LAMB1: variants seen among roughly 807,000 people sequenced by gnomAD.
LAMB1 encodes the protein laminin subunit beta-1.
Under a neutral mutation model 222.3 loss-of-function variants are expected in LAMB1, and 121 were observed. The ratio of observed to expected loss-of-function variants is 0.54; its 90% confidence interval spans 0.47 to 0.63. The LOEUF (loss-of-function observed/expected upper bound fraction) is 0.63. Among genes scored for constraint, LAMB1 ranks in the 30% least tolerant of loss-of-function variants. The probability of loss-of-function intolerance (pLI) is 0.00; values close to 1 mark genes in which losing one functional copy is unlikely to be tolerated. For missense variants in LAMB1, 2,172 were observed against 2,240.8 expected (o/e 0.97, Z 0.62); for synonymous variants, 794 against 807.2 (o/e 0.98, Z 0.28).
In LAMB1 at chr7:107,959,968, GA is replaced by G. The variant is rs1249095323; in HGVS notation, c.2315-135del. ...AACAGTATCATCCCTATGATGAGCG[GA>G]AGGGAAGAAAGGGGAGGCAGAGTTG... On this transcript the variant is annotated intron_variant, in intron 18 of 33. Transcript: ENST00000222399. 6 of 1,257,286 alleles carry G rather than the reference GA, an allele frequency of 4.8e-6. 1 individual carries two copies. The Admixed American group carries it at 8.2e-5, about 17-fold the overall frequency. 77.9% of individuals were successfully genotyped at this position (1,257,286 alleles called of 1,614,324 possible). A position where few individuals can be genotyped will look rare whatever the true frequency, so the allele number is the denominator to read the frequency against.
At chr7:107,964,356 A>G (rs1369584953) in intron 14 of LAMB1, among the ~76,000 whole-genome samples, 196 bp downstream of exon 14, 24 of 152,246 alleles carry the variant, frequency 1.6e-4, no homozygotes, top group African/African-American at 2.4e-5. Flanking sequence ...TGAATGCTCC[A>G]AAGCCAATTT....
In LAMB1 at chr7:107,947,083, C is replaced by T. The variant is rs1432518588; in HGVS notation, c.3391+4143G>A. Among the ~76,000 whole-genome samples, 4 of 152,286 alleles carry T rather than the reference C, an allele frequency of 2.6e-5. No homozygotes were observed. In the East Asian group the frequency reaches 7.7e-4, roughly 29 times the overall value. On this transcript the variant is annotated intron_variant, in intron 24 of 33. Transcript: ENST00000222399. Reference sequence around the variant, plus strand: ...CAGCGCTCCAGGCTGTTTTCTCCAGCACGTTCATGGTGGGTGGATGAGATT... The same window carrying T: ...CAGCGCTCCAGGCTGTTTTCTCCAGTACGTTCATGGTGGGTGGATGAGATT...
intron 29 of LAMB1, among the ~76,000 whole-genome samples, chr7:107,931,086 A>G (rs551643750): frequency 7.6e-4 from 116 of 152,316 alleles, no homozygotes; most frequent in African/African-American, 2.6e-3. Flanking sequence ...GTAATTTCTA[A>G]CAAATTCCAC....
rs369476969 is a variant in LAMB1, at chr7:107,926,213, A to G, written c.5034T>C (p.Thr1678=). The G allele has an allele frequency of 1.7e-5, 28 of 1,613,736 alleles. No homozygotes were observed. Among genetic ancestry groups the G allele is most frequent in the Middle Eastern group, 1.6e-4 (1 of 6,080 alleles). ...TAACATCTTCTGCACTTTGCTTCACAGTATATACTACTTTTTCAATATATT... is the reference window on the plus strand; with the variant it reads ...TAACATCTTCTGCACTTTGCTTCACGGTATATACTACTTTTTCAATATATT... ...EAEYIEKVVY[T]VKQSAEDVKK... is the part of the protein sequence containing the mutation. The change falls in exon 32 of 34, where the codon ACT becomes ACC. Residue 1678 remains threonine (T), a synonymous_variant. Transcript: ENST00000222399.
intron 31 of LAMB1, among the ~76,000 whole-genome samples, chr7:107,928,773 G>A (rs970063064): frequency 4.6e-5 from 7 of 152,180 alleles, no homozygotes; most frequent in African/African-American, 9.7e-5. Context: ...AATTACAGGC[G>A]TGAGCCACCA....
chr7:107,970,793 G>A (rs185908957), intron 13 of LAMB1, among the ~76,000 whole-genome samples: 8 of 151,354 alleles, frequency 5.3e-5, no homozygotes, highest in East Asian at 3.9e-4. Context: ...GTGCAATGGC[G>A]TGATCTTGGT....
intron 2 of LAMB1, chr7:108,002,473 G>T: frequency 8.0e-7 from 1 of 1,253,878 alleles, no homozygotes; most frequent in Non-Finnish European, 1.0e-6. Flanking sequence ...CTCAGCTCAG[G>T]CACTCTCCTG....
At position 107,986,310 on chromosome 7, in the gene LAMB1, G is replaced by A; in HGVS notation, c.477C>T (p.Thr159=). 1 of 1,611,188 alleles carries A rather than the reference G, an allele frequency of 6.2e-7. No individual in the cohort carries two copies. Among genetic ancestry groups the A allele is most frequent in the Non-Finnish European group, 8.5e-7 (1 of 1,177,676 alleles). ...AGGCGAAGTATCTATACACACCCCA[G>A]GTTTTCCCAAAGTCGGACGATCGTT... ...LIERSSDFGK[T]WGVYRYFAYD... The change falls in exon 6 of 34, where the codon ACC becomes ACT. Residue 159 remains threonine (T), a synonymous_variant. Coordinates refer to ENST00000222399, the MANE Select transcript of LAMB1 (RefSeq NM_002291.3).
chr7:107,994,946 T>C lies in LAMB1; in HGVS notation c.364A>G (p.Thr122Ala), dbSNP rs1158702022. 6.3e-7 allele frequency: 1 copy of C among 1,593,448 alleles called. No homozygotes were observed. The highest frequency in any genetic ancestry group is 1.7e-5 in the Admixed American group (1 of 59,902). ...WQSENGVENV[T>A]IQLDLEAEFH... The stretch of plus-strand genomic sequence containing the variant: ...TCTGCTTCCAAATCCAGTTGGATAG[T>C]TACATTTTCCACACCTACAGGAGAT... The change falls in exon 5 of 34, where the codon ACT (threonine) becomes GCT (alanine). Residue 122 changes from threonine (T) to alanine (A), a missense_variant. Thr to Ala is a moderately conservative substitution (Grantham distance 58). Transcript: ENST00000222399.
At position 107,960,485 on chromosome 7, in the gene LAMB1, G is replaced by C. The variant is rs148062825; in HGVS notation, c.2274C>G (p.Ile758Met). 2.5e-6 allele frequency: 4 copies of C among 1,614,036 alleles called. No homozygotes were observed. The highest frequency in any genetic ancestry group is 3.4e-6 in the Non-Finnish European group (4 of 1,180,016). ...KTPMTDVCRN[I>M]IFSISALLHQ... ...GTAACAGGGCAGAAATGCTAAAGAT[G>C]ATGTTTCTGCAAACATCTGTCATCG... The change falls in exon 18 of 34, where the codon ATC becomes ATG. Residue 758 changes from isoleucine to methionine, a missense_variant. By Grantham distance (10) the Ile-to-Met change is conservative. Transcript: ENST00000222399.
intron 29 of LAMB1, among the ~76,000 whole-genome samples, chr7:107,930,770 T>TA (rs1392940196): frequency 6.6e-6 from 1 of 152,222 alleles, no homozygotes; most frequent in East Asian, 1.9e-4. Context: ...ACAAAGCTGA[T>TA]ATGCTTAAGA....
In LAMB1 at chr7:107,964,655, C is replaced by T. The variant is rs143390327; in HGVS notation, c.1595G>A (p.Arg532Gln). 5.0e-4 allele frequency: 809 copies of T among 1,613,936 alleles called. No individual in the cohort carries two copies. The highest frequency in any genetic ancestry group is 6.6e-4 in the Non-Finnish European group (784 of 1,180,004). ...GCACTGACGTCCAATCATGTGAGGC[C>T]GGCATGAGCACTGGCCTGACTCCGC... Reference protein sequence around the residue: ...CFAESGQCSCRPHMIGRQCNE... With the variant: ...CFAESGQCSCQPHMIGRQCNE... The change falls in exon 14 of 34, where the codon CGG becomes CAG. Residue 532 changes from arginine (R) to glutamine (Q), a missense_variant. Transcript: ENST00000222399.
rs1377380508 is a variant in LAMB1, at chr7:107,975,380, T to C, written c.1223A>G (p.Glu408Gly). The C allele has an allele frequency of 5.0e-6, 8 of 1,613,192 alleles. No homozygotes were observed. The East Asian group carries it at 1.8e-4, about 36-fold the overall frequency. The change falls in exon 11 of 34, where the codon GAG (glutamate) becomes GGG (glycine). Residue 408 changes from glutamate to glycine, a missense_variant. Physicochemically the swap from Glu to Gly is moderately conservative, Grantham distance 98. Transcript: ENST00000222399. ...CTCDPAGSQN[E>G]GICDSYTDFS... ...ATCAGTATAGCTGTCACAAATTCCC[T>C]CATTTTGAGAGCCAGCTGGGTCACA...
intron 17 of LAMB1, 91 bp from the exon 18 acceptor site, chr7:107,960,740 T>G (rs1231252228): frequency 1.0e-6 from 1 of 988,620 alleles, no homozygotes; most frequent in Non-Finnish European, 1.6e-6. Context: ...CCCAAATGCT[T>G]CTTTGACCCT....
chr7:107,964,427 C>A lies in LAMB1; in HGVS notation c.1698+125G>T, dbSNP rs550329052. On this transcript the variant is annotated intron_variant, in intron 14 of 33. Coordinates refer to ENST00000222399, the MANE Select transcript of LAMB1 (RefSeq NM_002291.3). ...CTTCTCAGGAAGGCATGGTCCTGATCCTTATTTTGTGCTCACTGACAAAGC... is the reference window on the plus strand; with the variant it reads ...CTTCTCAGGAAGGCATGGTCCTGATACTTATTTTGTGCTCACTGACAAAGC... 11 of 1,118,096 alleles carry A rather than the reference C, an allele frequency of 9.8e-6. No homozygotes were observed. The East Asian group carries it at 2.4e-4, about 24-fold the overall frequency. The allele number at this position is 1,118,096 out of a possible 1,614,324, so 69.3% of individuals were successfully genotyped here.
At chr7:107,948,491 A>AT (rs2033176474) in intron 24 of LAMB1, among the ~76,000 whole-genome samples, 1 of 152,172 alleles carries the variant, frequency 6.6e-6, no homozygotes, top group Admixed American at 6.5e-5. Context: ...CTCTTAGGGT[A>AT]TTTTCACTTA....
Position 107,940,060 on chromosome 7 carries a change from T to C in LAMB1, c.3690A>G (p.Ile1230Met), listed in dbSNP as rs369015678. 3.0e-5 allele frequency: 48 copies of C among 1,614,058 alleles called. No individual in the cohort carries two copies. The highest frequency in any genetic ancestry group is 4.0e-5 in the Non-Finnish European group (47 of 1,180,032). ...CGGGGCTCTGCGCCAGGATGTCTTT[T>C]ATCTCGCTGACTTTCCTCTCCACCG... ...VDSVERKVSE[I>M]KDILAQSPAA... The change falls in exon 25 of 34, where the codon ATA becomes ATG. Residue 1230 changes from isoleucine (I) to methionine (M), a missense_variant. Physicochemically the swap from Ile to Met is conservative, Grantham distance 10. Transcript: ENST00000222399.
chr7:107,957,483 G>C (rs954519967), intron 20 of LAMB1, among the ~76,000 whole-genome samples: 1 of 152,234 alleles, frequency 6.6e-6, no homozygotes, highest in African/African-American at 2.4e-5. Context: ...GCGAGTCAGA[G>C]GTTGCAGTGA....
chr7:107,929,639 C>T lies in LAMB1; in HGVS notation c.4538-20G>A. On this transcript the variant is annotated intron_variant, in intron 29 of 33. Coordinates refer to ENST00000222399, the MANE Select transcript of LAMB1 (RefSeq NM_002291.3). ...TATCCTCTGTGAAAAGCAAAGATGT[C>T]CCCAAAAAGAGGTGAAAAGAATAGA... The T allele has an allele frequency of 6.3e-7, 1 of 1,599,434 alleles. No homozygotes were observed.
Sources: gnomAD v4.1 joint callset for allele counts (sites outside exome capture counted in the v4.1 genomes callset) on GRCh38, gnomAD v4.1.1 for gene constraint, MANE v1.5 for transcripts, NCBI Gene and HGNC (gene_info 2026-07-23, HGNC 2026-07-21) for gene names.